Variants in MON1A observed in about 807,000 individuals in gnomAD.
The protein encoded by MON1A is vacuolar fusion protein MON1 homolog A.
MON1A carries 29 observed loss-of-function variants against 44.6 expected under a neutral mutation model. The ratio of observed to expected loss-of-function variants is 0.65; its 90% CI spans 0.48 to 0.89. The LOEUF (loss-of-function observed/expected upper bound fraction) is 0.89. Among genes scored for constraint, MON1A ranks in the 40% least tolerant of loss-of-function variants. MON1A has a pLI of 0.00. For missense variants in MON1A, 615 were observed against 759.6 expected (o/e 0.81, Z 2.24); for synonymous variants, 275 against 316.4 (o/e 0.87, Z 1.39).
At position 49,913,271 on chromosome 3, in the gene MON1A, T is replaced by C. The variant is rs761732784; in HGVS notation, c.76A>G (p.Met26Val). 2.5e-6 allele frequency: 4 copies of C among 1,614,096 alleles called. No homozygotes were observed. The South Asian group carries it at 3.3e-5, about 13-fold the overall frequency. Residue 26 changes from methionine to valine, a missense_variant, in exon 2 of 6, where the codon ATG becomes GTG. Coordinates refer to ENST00000296473, the MANE Select transcript of MON1A (RefSeq NM_032355.4). ...GTLTPSDGQSMERAESPTPGM... is the reference protein window; with the variant it reads ...GTLTPSDGQSVERAESPTPGM... ...GGTGTGGGGCTCTCAGCTCTCTCCA[T>C]ACTCTGTCCATCAGAAGGAGTCAAT...
intron 1 of MON1A, among the ~76,000 whole-genome samples, chr3:49,925,202 C>G (rs1042739473): frequency 1.3e-5 from 2 of 152,128 alleles, no homozygotes; most frequent in Non-Finnish European, 2.9e-5. Flanking sequence ...GTAGCCTCAA[C>G]CTCCCAGGCC....
chr3:49,929,310 G>A, intron 1 of MON1A: 1 of 486,686 alleles, frequency 2.1e-6, no homozygotes, highest in South Asian at 2.3e-5. Context: ...AGACTCTACC[G>A]GCCGAATATG....
chr3:49,909,476 A>G lies in MON1A; in HGVS notation c.1380-76T>C. ...CTTCTCTAGAGATTTAGAAACACCT[A>G]TTCCTATCCAGGAAGACTCTATCTT... is the stretch of plus-strand genomic sequence containing the variant. On this transcript the variant is annotated intron_variant, in intron 4 of 5. Transcript: ENST00000296473. The surrounding 1 kb of genome is among the most constrained non-coding windows in gnomAD (Gnocchi z 4.0). 1.9e-6 allele frequency: 3 copies of G among 1,568,198 alleles called. No homozygotes were observed. Among genetic ancestry groups the G allele is most frequent in the Non-Finnish European group, 2.6e-6 (3 of 1,151,180 alleles).
At position 49,913,308 on chromosome 3, in the gene MON1A, G is replaced by C. The variant is rs754471777; in HGVS notation, c.39C>G (p.Cys13Trp). 2.3e-5 allele frequency: 37 copies of C among 1,613,590 alleles called. No homozygotes were observed. The East Asian group carries it at 8.2e-4, about 36-fold the overall frequency. The change falls in exon 2 of 6, where the codon TGC (cysteine) becomes TGG (tryptophan). Residue 13 changes from cysteine to tryptophan, a missense_variant. By Grantham distance (215) the Cys-to-Trp change is radical (BLOSUM62 -2). Coordinates refer to ENST00000296473, the MANE Select transcript of MON1A (RefSeq NM_032355.4). ...TDMQRKRSSE[C>W]LDGTLTPSDG... is the part of the protein sequence containing the mutation. ...CAGAAGGAGTCAATGTGCCATCAAGGCATTCGCTGCTTCTCTTCCTCTGCA... is the reference window on the plus strand; with the variant it reads ...CAGAAGGAGTCAATGTGCCATCAAGCCATTCGCTGCTTCTCTTCCTCTGCA...
At position 49,913,338 on chromosome 3, in the gene MON1A, A is replaced by T; in HGVS notation, c.9T>A (p.Thr3=). The T allele has an allele frequency of 1.2e-6, 2 of 1,612,178 alleles. No homozygotes were observed. The highest frequency in any genetic ancestry group is 1.7e-6 in the Non-Finnish European group (2 of 1,178,314). The part of the protein sequence containing the change: MA[T]DMQRKRSSEC... ...CGCTGCTTCTCTTCCTCTGCATGTC[A>T]GTAGCCATCCTTTGAGCTCTCCTGT... The change falls in exon 2 of 6, where the codon ACT becomes ACA. Residue 3 remains threonine (T), a synonymous_variant. Coordinates refer to ENST00000296473, the MANE Select transcript of MON1A (RefSeq NM_032355.4).
chr3:49,916,793 T>A (rs1389915891), intron 1 of MON1A: 1 of 152,248 alleles, frequency 6.6e-6, no homozygotes, highest in Non-Finnish European at 1.5e-5. Context: ...AGAGGTCCCC[T>A]CTGAGACTGA....
rs532963307 is a variant in MON1A at position 49,928,294 on chromosome 3, G to A, written c.-14+1315C>T. ...CTTACTCTGGAAACTCAGACAGGGAGGCTGAGTGAATCACAGCAAAATCCA... is the reference window on the plus strand; with the variant it reads ...CTTACTCTGGAAACTCAGACAGGGAAGCTGAGTGAATCACAGCAAAATCCA... On this transcript the variant is annotated intron_variant, in intron 1 of 5. Transcript: ENST00000296473. Among the ~76,000 whole-genome samples the A allele has an allele frequency of 1.8e-4, 27 of 152,286 alleles. 1 individual carries two copies. In the South Asian group the frequency reaches 5.6e-3, roughly 32 times the overall value.
At chr3:49,919,436 T>G (rs1477530987) in intron 1 of MON1A, among the ~76,000 whole-genome samples, 3 of 152,212 alleles carry the variant, frequency 2.0e-5, no homozygotes, top group African/African-American at 7.2e-5. Flanking sequence ...TAGACTATTC[T>G]GTGTAAAAAA....
At chr3:49,929,562 C>T in intron 1 of MON1A, 47 bp downstream of exon 1, 6 of 1,548,848 alleles carry the variant, frequency 3.9e-6, no homozygotes, top group Non-Finnish European at 5.2e-6. Context: ...TGACAGCTCT[C>T]CAGTCTCTAG....
At chr3:49,912,553 C>CCAGTAA (rs932349154) in intron 2 of MON1A, 8 of 164,548 alleles carry the variant, frequency 4.9e-5, no homozygotes, top group African/African-American at 1.4e-4. Flanking sequence ...AGTAAGGTGC[C>CCAGTAA]GGAACGCAGC....
At chr3:49,914,447 C>G (rs914714581) in intron 1 of MON1A, among the ~76,000 whole-genome samples, 1 of 151,948 alleles carries the variant, frequency 6.6e-6, no homozygotes, top group Non-Finnish European at 1.5e-5. Context: ...GATCTTGGCT[C>G]ACTGCAACCT....
At chr3:49,919,724 C>T (rs535580544) in intron 1 of MON1A, among the ~76,000 whole-genome samples, 19 of 152,250 alleles carry the variant, frequency 1.2e-4, no homozygotes, top group Non-Finnish European at 2.1e-4. Context: ...TCAGGTGATC[C>T]GCCCACCTTC....
chr3:49,910,923 G>T lies in MON1A; in HGVS notation c.614-39C>A, dbSNP rs934350790. ...AGGAAAGAAGGATGTCAGCCTCAGCGGCAGCTCCCTCCGAAAACCGCCTTC... is the reference window on the plus strand; with the variant it reads ...AGGAAAGAAGGATGTCAGCCTCAGCTGCAGCTCCCTCCGAAAACCGCCTTC... On this transcript the variant is annotated intron_variant, in intron 3 of 5. Coordinates refer to ENST00000296473, the MANE Select transcript of MON1A (RefSeq NM_032355.4). This position sits in a 1 kb window ranked among gnomAD's most constrained non-coding sequence, Gnocchi z 8.0. 6.5e-7 allele frequency: 1 copy of T among 1,547,598 alleles called. No homozygotes were observed. The highest frequency in any genetic ancestry group is 8.7e-7 in the Non-Finnish European group (1 of 1,146,518).
At chr3:49,915,408 A>G (rs1437172586) in intron 1 of MON1A, among the ~76,000 whole-genome samples, 4 of 152,220 alleles carry the variant, frequency 2.6e-5, no homozygotes, top group Non-Finnish European at 5.9e-5. Flanking sequence ...ATGTGCCTGT[A>G]ATCCCAGCTA....
chr3:49,911,725 G>T lies in MON1A; in HGVS notation c.414C>A (p.Gly138=). The T allele has an allele frequency of 1.9e-6, 3 of 1,613,856 alleles. No individual in the cohort carries two copies. The highest frequency in any genetic ancestry group is 2.5e-6 in the Non-Finnish European group (3 of 1,179,926). Reference sequence around the variant, plus strand: ...CATCCTCCTCATCCCCCTCGGTTGTGCCCTCCCTGGGGGGCTCTGTGGCTG... The same window carrying T: ...CATCCTCCTCATCCCCCTCGGTTGTTCCCTCCCTGGGGGGCTCTGTGGCTG... ...GRPATEPPRE[G]TTEGDEEDAT... The change falls in exon 3 of 6, where the codon GGC becomes GGA. Residue 138 remains glycine, a synonymous_variant. Coordinates refer to ENST00000296473, the MANE Select transcript of MON1A (RefSeq NM_032355.4). This position sits in a 1 kb window ranked among gnomAD's most constrained non-coding sequence, Gnocchi z 5.7.
chr3:49,911,573 A>G lies in MON1A; in HGVS notation c.566T>C (p.Val189Ala). 1 of 1,613,826 alleles carries G rather than the reference A, an allele frequency of 6.2e-7. No individual in the cohort carries two copies. Residue 189 changes from valine (V) to alanine (A), a missense_variant, in exon 3 of 6, where the codon GTG becomes GCG. By Grantham distance (64) the Val-to-Ala change is moderately conservative. Coordinates refer to ENST00000296473, the MANE Select transcript of MON1A (RefSeq NM_032355.4). The surrounding 1 kb of genome is among the most constrained non-coding windows in gnomAD (Gnocchi z 5.7). ...GTTCTTGTCTGCCTCCAGGAAGGACACCAGGGCCACCATAACACCCATAGT... is the reference window on the plus strand; with the variant it reads ...GTTCTTGTCTGCCTCCAGGAAGGACGCCAGGGCCACCATAACACCCATAGT... ...SSTMGVMVALVSFLEADKNAI... is the reference protein window; with the variant it reads ...SSTMGVMVALASFLEADKNAI...
Position 49,909,499 on chromosome 3 carries a change from C to G in MON1A, c.1380-99G>C. 1 of 1,496,578 alleles carries G rather than the reference C, an allele frequency of 6.7e-7. No homozygotes were observed. The highest frequency in any genetic ancestry group is 1.2e-5 in the South Asian group (1 of 80,626). The allele number at this position is 1,496,578 out of a possible 1,614,324, so 92.7% of individuals were successfully genotyped here. A position where few individuals can be genotyped will look rare whatever the true frequency, so the allele number is the denominator to read the frequency against. On this transcript the variant is annotated intron_variant, in intron 4 of 5. Coordinates refer to ENST00000296473, the MANE Select transcript of MON1A (RefSeq NM_032355.4). The surrounding 1 kb of genome is among the most constrained non-coding windows in gnomAD (Gnocchi z 4.0). ...CTATTCCTATCCAGGAAGACTCTAT[C>G]TTATGTCCTACCCTCCAGGTGCTCC...
In MON1A at chr3:49,911,927, TC is replaced by T. The variant is rs1559492437; in HGVS notation, c.211del (p.Asp71ThrfsTer27). 3 of 1,613,456 alleles carry T rather than the reference TC, an allele frequency of 1.9e-6. No individual in the cohort carries two copies. Among genetic ancestry groups the T allele is most frequent in the Non-Finnish European group, 2.5e-6 (3 of 1,179,842 alleles). On this transcript the variant is annotated frameshift_variant, in exon 3 of 6. Transcript: ENST00000296473. LOFTEE classifies it high-confidence loss of function. The surrounding 1 kb of genome is among the most constrained non-coding windows in gnomAD (Gnocchi z 5.7). ...ACCCCTGGTACCCTCCTTGTGGCTGTCCCCAGAAGCTGCCCCATCCTCTGAC... is the reference window on the plus strand; with the variant it reads ...ACCCCTGGTACCCTCCTTGTGGCTGTCCCAGAAGCTGCCCCATCCTCTGAC... ...TESEDGAASG[D>X]SHKEGTRGPP... is the part of the protein sequence containing the mutation.
At chr3:49,912,285 C>A in intron 2 of MON1A, 1 of 391,294 alleles carries the variant, frequency 2.6e-6, no homozygotes. Flanking sequence ...CACCCCACTC[C>A]CTTGCCCATC....
Sources: allele counts gnomAD v4.1 joint callset (sites outside exome capture counted in the v4.1 genomes callset), GRCh38; gene constraint gnomAD v4.1.1; non-coding constraint Gnocchi (gnomAD v3.1); transcripts MANE v1.5; gene names NCBI Gene and HGNC (gene_info 2026-07-23, HGNC 2026-07-21).